Variants in CROT observed in about 807,000 individuals in gnomAD.
CROT encodes the protein carnitine O-octanoyltransferase.
In CROT, 84 loss-of-function variants were observed where a neutral mutation model predicts 89.2. The ratio of observed to expected loss-of-function variants is 0.94; its 90% CI spans 0.79 to 1.13. The LOEUF (loss-of-function observed/expected upper bound fraction) is 1.13. CROT is among the 50% of genes most tolerant of loss of function. CROT has a pLI of 0.00. For missense variants in CROT, 711 were observed against 727.8 expected (o/e 0.98, Z 0.27); for synonymous variants, 212 against 239.5 (o/e 0.89, Z 1.06).
At chr7:87,377,536 G>C (rs117996004) in intron 10 of CROT, 86 bp downstream of exon 10, 43,167 of 759,216 alleles carry the variant, frequency 0.057, 1,447 homozygotes, top group Non-Finnish European at 0.068. Context: ...CTGGGGAACA[G>C]TGTAAGTGAA....
Position 87,361,508 on chromosome 7 carries a change from C to G in CROT, c.359C>G (p.Thr120Ser). The change falls in exon 5 of 18, where the codon ACT becomes AGT. Residue 120 changes from threonine (T) to serine (S), a missense_variant. Transcript: ENST00000331536. Reference sequence around the variant, plus strand: ...CACTACTGGCCTCCAAAGGAAGGGACTCAATTAGAAAGAGGAAGTATAACT... The same window carrying G: ...CACTACTGGCCTCCAAAGGAAGGGAGTCAATTAGAAAGAGGAAGTATAACT... ...FEHYWPPKEG[T>S]QLERGSITLW... 6.2e-7 allele frequency: 1 copy of G among 1,612,456 alleles called. No homozygotes were observed. The highest frequency in any genetic ancestry group is 8.5e-7 in the Non-Finnish European group (1 of 1,179,678).
At chr7:87,376,046 T>C (rs1304231870) in intron 9 of CROT, 93 bp downstream of exon 9, 61 of 1,242,860 alleles carry the variant, frequency 4.9e-5, no homozygotes, top group Non-Finnish European at 6.4e-5. Flanking sequence ...TTTTTCTACC[T>C]TTAGGCTCTT....
chr7:87,385,921 G>A (rs1807169953), intron 13 of CROT, among the ~76,000 whole-genome samples: 2 of 152,086 alleles, frequency 1.3e-5, no homozygotes, highest in African/African-American at 4.8e-5. Flanking sequence ...ATGCTTTTCA[G>A]CATCTATTGA....
intron 6 of CROT, among the ~76,000 whole-genome samples, chr7:87,367,597 A>ACTTTT (rs1215043853): frequency 1.3e-5 from 2 of 152,144 alleles, no homozygotes; most frequent in African/African-American, 4.8e-5. Flanking sequence ...AAATTCATAT[A>ACTTTT]CTTTTCTTTT....
chr7:87,388,537 ATTT>A (rs1235994719), intron 13 of CROT, among the ~76,000 whole-genome samples: 1 of 152,198 alleles, frequency 6.6e-6, no homozygotes, highest in Non-Finnish European at 1.5e-5. Context: ...AGGATTCCCT[ATTT>A]AATAAACGAT....
chr7:87,358,481 C>CAA (rs11405316), intron 3 of CROT, among the ~76,000 whole-genome samples: 2,098 of 94,844 alleles, frequency 0.022, 112 homozygotes, highest in African/African-American at 0.066. Flanking sequence ...GACTCCATCT[C>CAA]AAAAAAAAAA....
intron 3 of CROT, among the ~76,000 whole-genome samples, chr7:87,350,671 C>A (rs1261027801): frequency 6.6e-6 from 1 of 152,134 alleles, no homozygotes; most frequent in Non-Finnish European, 1.5e-5. Context: ...CCATAACCAT[C>A]CCCAAGGAGA....
intron 7 of CROT, among the ~76,000 whole-genome samples, chr7:87,370,703 CTT>C (rs1806604726): frequency 1.3e-5 from 2 of 152,220 alleles, no homozygotes; most frequent in South Asian, 4.1e-4. Context: ...CGTCATCCCT[CTT>C]CCAGACTTTC....
chr7:87,370,383 G>A (rs919956511), intron 7 of CROT, among the ~76,000 whole-genome samples: 8 of 152,162 alleles, frequency 5.3e-5, no homozygotes, highest in East Asian at 1.9e-4. Flanking sequence ...AGGTTTTGCC[G>A]TGTTGGCCAA....
intron 13 of CROT, among the ~76,000 whole-genome samples, chr7:87,386,715 A>G (rs1483048501): frequency 6.6e-6 from 1 of 152,152 alleles, no homozygotes; most frequent in Non-Finnish European, 1.5e-5. Context: ...TTATAGCCTC[A>G]TGGACTCATG....
rs753681103 is a variant in CROT at position 87,361,830 on chromosome 7, C to CA, written c.526dup (p.Ile176AsnfsTer6). The CA allele has an allele frequency of 3.5e-5, 56 of 1,592,608 alleles. No individual in the cohort carries two copies. The highest frequency in any genetic ancestry group is 4.1e-5 in the Non-Finnish European group (48 of 1,173,772). Reference sequence around the variant, plus strand: ...AGGTTCCAGGAATTACTAGAGACTCCATTATGAATTATTTTAGGACTGGTA... The same window carrying CA: ...AGGTTCCAGGAATTACTAGAGACTCCAATTATGAATTATTTTAGGACTGGTA... On this transcript the variant is annotated frameshift_variant, in exon 6 of 18. Transcript: ENST00000331536. LOFTEE classifies it high-confidence loss of function.
intron 3 of CROT, 132 bp downstream of exon 3, chr7:87,349,315 A>T (rs955590002): frequency 2.1e-6 from 1 of 465,442 alleles, no homozygotes; most frequent in Non-Finnish European, 3.8e-6. Context: ...TGCAGGAAGG[A>T]ATTCAAGGTG....
At chr7:87,388,151 C>A (rs183884243) in intron 13 of CROT, among the ~76,000 whole-genome samples, 1 of 152,136 alleles carries the variant, frequency 6.6e-6, no homozygotes, top group Non-Finnish European at 1.5e-5. Flanking sequence ...AAGAGCTGCT[C>A]TTCTCTCCAG....
At chr7:87,358,398 T>C (rs551974879) in intron 3 of CROT, among the ~76,000 whole-genome samples, 2 of 143,114 alleles carry the variant, frequency 1.4e-5, no homozygotes, top group Non-Finnish European at 3.0e-5. Flanking sequence ...AGGAGAATGG[T>C]GTGAACCCAG....
chr7:87,364,150 G>A (rs975413037), intron 6 of CROT, among the ~76,000 whole-genome samples: 6 of 152,192 alleles, frequency 3.9e-5, no homozygotes, highest in African/African-American at 1.2e-4. Flanking sequence ...TTCAAGATTT[G>A]TAGTTTTGGG....
chr7:87,360,078 C>T (rs879752357), intron 4 of CROT: 1 of 972,384 alleles, frequency 1.0e-6, no homozygotes, highest in Non-Finnish European at 1.2e-6. Flanking sequence ...AATTTTGAGC[C>T]TTGAGTTGTT....
At position 87,361,375 on chromosome 7, in the gene CROT, C is replaced by A; in HGVS notation, c.241-15C>A. ...TTATGAAGAACATTAAGCTGATGTTCTCAATTTCTTTTAGCTGGAAGAGTG... is the reference window on the plus strand; with the variant it reads ...TTATGAAGAACATTAAGCTGATGTTATCAATTTCTTTTAGCTGGAAGAGTG... On this transcript the variant is annotated splice_polypyrimidine_tract_variant and intron_variant, in intron 4 of 17. Coordinates refer to ENST00000331536, the MANE Select transcript of CROT (RefSeq NM_021151.4). 1 of 1,609,652 alleles carries A rather than the reference C, an allele frequency of 6.2e-7. No individual in the cohort carries two copies. Among genetic ancestry groups the A allele is most frequent in the Non-Finnish European group, 8.5e-7 (1 of 1,178,268 alleles).
At chr7:87,355,648 CAT>C (rs1169462334) in intron 3 of CROT, among the ~76,000 whole-genome samples, 3 of 152,130 alleles carry the variant, frequency 2.0e-5, no homozygotes, top group Non-Finnish European at 4.4e-5. Flanking sequence ...CACAGGGCGA[CAT>C]GTGTCACTAG....
chr7:87,395,257 C>G (rs1807489591), intron 17 of CROT, among the ~76,000 whole-genome samples: 1 of 77,204 alleles, frequency 1.3e-5, no homozygotes, highest in Non-Finnish European at 3.8e-5. Flanking sequence ...CTAAGCCAGT[C>G]TAGTCTTTTC....
Sources: gnomAD v4.1 joint callset for allele counts (sites outside exome capture counted in the v4.1 genomes callset) on GRCh38, gnomAD v4.1.1 for gene constraint, MANE v1.5 for transcripts, NCBI Gene and HGNC (gene_info 2026-07-23, HGNC 2026-07-21) for gene names.